IQCM: variants seen among roughly 807,000 people sequenced by gnomAD.
IQCM encodes the protein IQ domain-containing protein M.
Under a neutral mutation model 57.6 loss-of-function variants are expected in IQCM, and 45 were observed. The observed-to-expected ratio is 0.78, with a 90% CI of 0.62 to 1.00. IQCM has a LOEUF of 1.00. Ranked by LOEUF, IQCM falls within the 50% of genes least tolerant of loss-of-function variation. IQCM has a pLI of 0.00. For synonymous variants in IQCM, 148 were observed against 158.9 expected (o/e 0.93, Z 0.51); for missense variants, 468 against 511.6 (o/e 0.91, Z 0.82).
rs552846699 is a variant in IQCM, at chr4:149,368,934, GTA to G, written c.1391-16870_1391-16869del. On this transcript the variant is annotated intron_variant, in intron 13 of 13. Coordinates refer to ENST00000636793, the MANE Select transcript of IQCM (RefSeq NM_001363507.2). ...TATATATGTGTATATATATACACGT[GTA>G]TATATATGTGTATATATATACACGT... Among the ~76,000 whole-genome samples, 3 of 63,720 alleles carry G rather than the reference GTA, an allele frequency of 4.7e-5. 1 individual carries two copies. The highest frequency in any genetic ancestry group is 9.5e-5 in the Non-Finnish European group (3 of 31,566). The allele number at this position is 63,720 out of a possible 152,430, so 41.8% of individuals were successfully genotyped here. A position where few individuals can be genotyped will look rare whatever the true frequency, so the allele number is the denominator to read the frequency against.
intron 12 of IQCM, among the ~76,000 whole-genome samples, chr4:149,485,174 T>C (rs545109841): frequency 6.6e-6 from 1 of 152,146 alleles, no homozygotes; most frequent in East Asian, 1.9e-4. Flanking sequence ...ATTTTCAAAC[T>C]CCTAGAGTTA....
At chr4:149,761,621 T>A (rs909773795) in intron 2 of IQCM, among the ~76,000 whole-genome samples, 2 of 152,112 alleles carry the variant, frequency 1.3e-5, no homozygotes, top group Non-Finnish European at 2.9e-5. Context: ...TGTGTGCACA[T>A]GTTATATCCC....
chr4:149,487,905 T>C (rs1741693983), intron 12 of IQCM, among the ~76,000 whole-genome samples: 1 of 152,074 alleles, frequency 6.6e-6, no homozygotes, highest in African/African-American at 2.4e-5. Context: ...TCAGGTACTG[T>C]GATTGCTCAT....
At chr4:149,626,665 C>G (rs573357342) in intron 7 of IQCM, among the ~76,000 whole-genome samples, 1 of 152,128 alleles carries the variant, frequency 6.6e-6, no homozygotes, top group Admixed American at 6.5e-5. Context: ...ATAATGACTT[C>G]TGGTTCAATA....
At chr4:149,747,917 CAG>C (rs1311830736) in intron 2 of IQCM, among the ~76,000 whole-genome samples, 4 of 152,178 alleles carry the variant, frequency 2.6e-5, no homozygotes. Context: ...ACACAAAGCT[CAG>C]AGTCTAGGAG....
intron 8 of IQCM, among the ~76,000 whole-genome samples, chr4:149,613,336 C>G: frequency 6.6e-6 from 1 of 152,026 alleles, no homozygotes; most frequent in East Asian, 1.9e-4. Flanking sequence ...TGCATGCCCA[C>G]AGTTTTCTGA....
intron 13 of IQCM, among the ~76,000 whole-genome samples, chr4:149,394,234 C>A (rs530562428): frequency 1.7e-4 from 26 of 151,832 alleles, no homozygotes; most frequent in Non-Finnish European, 3.4e-4. Flanking sequence ...TGGCTCATAT[C>A]TTAAATGTCT....
At chr4:149,391,506 G>C (rs1731853685) in intron 13 of IQCM, among the ~76,000 whole-genome samples, 1 of 151,302 alleles carries the variant, frequency 6.6e-6, no homozygotes. Context: ...TTTCTTCTCT[G>C]ACATTCATTA....
rs186197401 is a variant in IQCM at position 149,805,395 on chromosome 4, C to A, written c.-49+9916G>T. 1.8e-4 allele frequency among the ~76,000 whole-genome samples: 28 copies of A among 152,094 alleles called. No homozygotes were observed. The East Asian group carries it at 5.4e-3, about 29-fold the overall frequency. On this transcript the variant is annotated intron_variant, in intron 2 of 13. Coordinates refer to ENST00000636793, the MANE Select transcript of IQCM (RefSeq NM_001363507.2). The stretch of plus-strand genomic sequence containing the variant: ...TAGAGAGTTCATAATAAATGTGTAA[C>A]TGACACAAAGTGTTTTTCGACATTT...
chr4:149,394,239 A>G (rs1732063543), intron 13 of IQCM, among the ~76,000 whole-genome samples: 1 of 151,870 alleles, frequency 6.6e-6, no homozygotes, highest in African/African-American at 2.4e-5. Context: ...CATATCTTAA[A>G]TGTCTGAAAA....
At chr4:149,617,526 T>C (rs1755903054) in intron 8 of IQCM, among the ~76,000 whole-genome samples, 1 of 152,138 alleles carries the variant, frequency 6.6e-6, no homozygotes, top group Non-Finnish European at 1.5e-5. Flanking sequence ...TTATTACCTC[T>C]AACTGGACAG....
At chr4:149,579,284 G>A (rs1751945540) in intron 9 of IQCM, among the ~76,000 whole-genome samples, 1 of 151,788 alleles carries the variant, frequency 6.6e-6, no homozygotes, top group South Asian at 2.1e-4. Flanking sequence ...ATGCTTATGA[G>A]TGAGGAAGTA....
chr4:149,511,391 G>T (rs1361047278), intron 12 of IQCM, among the ~76,000 whole-genome samples: 1 of 151,782 alleles, frequency 6.6e-6, no homozygotes, highest in Non-Finnish European at 1.5e-5. Flanking sequence ...AGCCAGACAT[G>T]GTGGTACATG....
chr4:149,396,663 T>C (rs908812846), intron 13 of IQCM, among the ~76,000 whole-genome samples: 4 of 152,020 alleles, frequency 2.6e-5, no homozygotes, highest in African/African-American at 4.8e-5. Flanking sequence ...CTCTAGAGCT[T>C]ATTTGTATTG....
intron 2 of IQCM, among the ~76,000 whole-genome samples, chr4:149,813,364 A>G (rs976350240): frequency 6.6e-6 from 1 of 152,078 alleles, no homozygotes; most frequent in Admixed American, 6.6e-5. Context: ...ACATGAACCC[A>G]CAAGAATGGG....
intron 12 of IQCM, among the ~76,000 whole-genome samples, chr4:149,436,111 T>C (rs1315176620): frequency 2.0e-5 from 3 of 152,092 alleles, no homozygotes; most frequent in African/African-American, 4.8e-5. Flanking sequence ...CTAGAGCAAA[T>C]TTCAGTCCTA....
At chr4:149,488,606 C>T (rs1260940373) in intron 12 of IQCM, among the ~76,000 whole-genome samples, 1 of 152,072 alleles carries the variant, frequency 6.6e-6, no homozygotes, top group Non-Finnish European at 1.5e-5. Context: ...TTACAGACTA[C>T]ATTGAAAAGT....
At chr4:149,581,795 T>C (rs1489196400) in intron 9 of IQCM, among the ~76,000 whole-genome samples, 5 of 151,650 alleles carry the variant, frequency 3.3e-5, no homozygotes, top group Non-Finnish European at 1.5e-5. Flanking sequence ...TTCCTCTGTC[T>C]GGCACCTCCT....
At chr4:149,756,650 A>G (rs1335063473) in intron 2 of IQCM, among the ~76,000 whole-genome samples, 1 of 152,206 alleles carries the variant, frequency 6.6e-6, no homozygotes, top group Admixed American at 6.5e-5. Context: ...ATAAATTTAA[A>G]CAGCTATTAC....
Sources: allele counts gnomAD v4.1 joint callset (sites outside exome capture counted in the v4.1 genomes callset), GRCh38; gene constraint gnomAD v4.1.1; transcripts MANE v1.5; gene names NCBI Gene and HGNC (gene_info 2026-07-23, HGNC 2026-07-21).